TTC9C: variants seen among roughly 807,000 people sequenced by gnomAD.
The protein encoded by TTC9C is tetratricopeptide repeat protein 9C.
TTC9C carries 15 observed loss-of-function variants against 22.5 expected under a neutral mutation model. The ratio of observed to expected loss-of-function variants is 0.67; its 90% CI spans 0.45 to 1.03. The LOEUF is 1.03. TTC9C is among the 50% of genes least tolerant of loss of function. The pLI is 0.00. For synonymous variants in TTC9C, 92 were observed against 86.8 expected (o/e 1.06, Z -0.33); for missense variants, 244 against 214.6 (o/e 1.14, Z -0.86).
upstream of TTC9C, chr11:62,728,427 G>A (rs1464962618): frequency 3.4e-5 from 15 of 447,646 alleles, no homozygotes; most frequent in East Asian, 8.9e-4. Context: ...CACTAGTCCC[G>A]CCCACTCCCT....
At chr11:62,735,702 GA>G in intron 2 of TTC9C, 138 bp downstream of exon 2, 2 of 1,390,564 alleles carry the variant, frequency 1.4e-6, no homozygotes, top group East Asian at 2.6e-5. Context: ...AATTCGAACT[GA>G]AAAAGTATAC....
chr11:62,728,703 C>T lies in TTC9C; in HGVS notation c.-146C>T, dbSNP rs1015946194. On this transcript the variant is annotated 5_prime_UTR_variant, in exon 1 of 3. Transcript: ENST00000316461. ...GCTTTCAGTAGAAACAAGCAAACCG[C>T]AGGTCCCTGTGGGGGGACTCTCCAG... is the stretch of plus-strand genomic sequence containing the variant. 3 of 787,524 alleles carry T rather than the reference C, an allele frequency of 3.8e-6. No individual in the cohort carries two copies. The highest frequency in any genetic ancestry group is 4.3e-6 in the Non-Finnish European group (2 of 460,254). 48.8% of individuals were successfully genotyped at this position (787,524 alleles called of 1,614,324 possible).
chr11:62,732,429 A>T (rs1247918195), intron 1 of TTC9C, among the ~76,000 whole-genome samples: 3 of 151,850 alleles, frequency 2.0e-5, no homozygotes, highest in African/African-American at 4.8e-5. Context: ...ACCAACATGG[A>T]GAAACCCATC....
chr11:62,733,665 A>G (rs1263399921), intron 1 of TTC9C, among the ~76,000 whole-genome samples: 1 of 151,878 alleles, frequency 6.6e-6, no homozygotes, highest in African/African-American at 2.4e-5. Context: ...GTGCAGTGGT[A>G]CAATCTCGGC....
rs1473564933 is a variant in TTC9C, at chr11:62,736,725, A to C, written c.421+1161A>C. On this transcript the variant is annotated intron_variant, in intron 2 of 2. Coordinates refer to ENST00000316461, the MANE Select transcript of TTC9C (RefSeq NM_173810.4). ...AAAAAAAAAAGCTGGGCGTGATGGCAGGCCCCTGTAATCCCAGCTACTTAG... is the reference window on the plus strand; with the variant it reads ...AAAAAAAAAAGCTGGGCGTGATGGCCGGCCCCTGTAATCCCAGCTACTTAG... Among the ~76,000 whole-genome samples the C allele has an allele frequency of 2.7e-5, 4 of 149,252 alleles. No individual in the cohort carries two copies. In the East Asian group the frequency reaches 7.9e-4, roughly 29 times the overall value.
intron 1 of TTC9C, chr11:62,733,312 A>G: frequency 2.1e-6 from 1 of 469,602 alleles, no homozygotes; most frequent in Non-Finnish European, 3.4e-6. Flanking sequence ...CAAATTTCAT[A>G]TTCCACCTAG....
At position 62,735,512 on chromosome 11, in the gene TTC9C, CTA is replaced by C. The variant is rs1565172643; in HGVS notation, c.371_372del (p.Tyr124Ter). The C allele has an allele frequency of 1.2e-6, 2 of 1,613,714 alleles. No homozygotes were observed. The highest frequency in any genetic ancestry group is 1.7e-6 in the Non-Finnish European group (2 of 1,179,784). ...GAGTGGCCTTTTTCCATCTGCAGGA[CTA>C]TGACCAGGCCCGCCACTACCTCCTG... ...AGVAFFHLQD[Y>X]DQARHYLLAA... On this transcript the variant is annotated frameshift_variant, in exon 2 of 3. Coordinates refer to ENST00000316461, the MANE Select transcript of TTC9C (RefSeq NM_173810.4). LOFTEE classifies it high-confidence loss of function.
In TTC9C at chr11:62,735,515, T is replaced by C. The variant is rs1293222987; in HGVS notation, c.372T>C (p.Tyr124=). 6.2e-6 allele frequency: 10 copies of C among 1,612,744 alleles called. No individual in the cohort carries two copies. Among genetic ancestry groups the C allele is most frequent in the Non-Finnish European group, 8.5e-6 (10 of 1,179,288 alleles). The part of the protein sequence containing the change: ...AGVAFFHLQD[Y]DQARHYLLAA... ...TGGCCTTTTTCCATCTGCAGGACTA[T>C]GACCAGGCCCGCCACTACCTCCTGG... Residue 124 remains tyrosine (Y), a synonymous_variant, in exon 2 of 3, where the codon TAT becomes TAC. Coordinates refer to ENST00000316461, the MANE Select transcript of TTC9C (RefSeq NM_173810.4).
At position 62,729,948 on chromosome 11, in the gene TTC9C, A is replaced by G. The variant is rs543716617; in HGVS notation, c.238+862A>G. On this transcript the variant is annotated intron_variant, in intron 1 of 2. Coordinates refer to ENST00000316461, the MANE Select transcript of TTC9C (RefSeq NM_173810.4). ...GTAATTTTGCATGCTATAGGGAAAA[A>G]CTATACTTAAGGTCAGGCCATTGTT... Among the ~76,000 whole-genome samples the G allele has an allele frequency of 6.6e-5, 10 of 152,294 alleles. No homozygotes were observed. The South Asian group carries it at 1.7e-3, about 25-fold the overall frequency.
chr11:62,729,378 TTTTA>T (rs2083817170), intron 1 of TTC9C, among the ~76,000 whole-genome samples: 2 of 9,378 alleles, frequency 2.1e-4, no homozygotes, highest in Non-Finnish European at 3.3e-3. Flanking sequence ...TATTTTTTTA[TTTTA>T]TTTTATTTTA....
At chr11:62,730,332 C>G (rs2083833744) in intron 1 of TTC9C, among the ~76,000 whole-genome samples, 1 of 152,012 alleles carries the variant, frequency 6.6e-6, no homozygotes, top group South Asian at 2.1e-4. Flanking sequence ...GCCTCGGCCT[C>G]GCAAAGTGCT....
upstream of TTC9C, chr11:62,728,437 T>G (rs761704917): frequency 4.4e-6 from 2 of 457,894 alleles, no homozygotes; most frequent in African/African-American, 2.0e-5. Context: ...GCCCACTCCC[T>G]TCTACTTCCA....
At chr11:62,732,725 C>T (rs2083866684) in intron 1 of TTC9C, among the ~76,000 whole-genome samples, 1 of 152,110 alleles carries the variant, frequency 6.6e-6, no homozygotes, top group African/African-American at 2.4e-5. Context: ...TGGAGACCAT[C>T]CTGGCTGATA....
chr11:62,737,666 C>T (rs926725497), intron 2 of TTC9C, among the ~76,000 whole-genome samples: 1 of 152,120 alleles, frequency 6.6e-6, no homozygotes, highest in African/African-American at 2.4e-5. Flanking sequence ...TTAACTGCCA[C>T]CTATATGAAT....
At position 62,731,114 on chromosome 11, in the gene TTC9C, C is replaced by T. The variant is rs532446844; in HGVS notation, c.238+2028C>T. On this transcript the variant is annotated intron_variant, in intron 1 of 2. Coordinates refer to ENST00000316461, the MANE Select transcript of TTC9C (RefSeq NM_173810.4). ...ATGTTGGCCAGGCTGGTCTCGAGCT[C>T]CTGACCTCAGGTGAGCCACCCACCT... 9.6e-4 allele frequency among the ~76,000 whole-genome samples: 146 copies of T among 152,088 alleles called. 1 individual carries two copies. The highest frequency in any genetic ancestry group is 3.4e-3 in the African/African-American group (142 of 41,484).
chr11:62,730,157 C>A (rs528573297), intron 1 of TTC9C, among the ~76,000 whole-genome samples: 9 of 152,164 alleles, frequency 5.9e-5, no homozygotes, highest in African/African-American at 1.7e-4. Context: ...CTCACTGCAA[C>A]CTCCTCCTCC....
chr11:62,730,911 C>T (rs1329395396), intron 1 of TTC9C, among the ~76,000 whole-genome samples: 15 of 143,440 alleles, frequency 1.0e-4, no homozygotes, highest in South Asian at 2.2e-4. Flanking sequence ...TTTTTTGAGA[C>T]GGTGTCTCAC....
chr11:62,738,143 C>G (rs1045330476), intron 2 of TTC9C, 145 bp from the exon 3 acceptor site: 6 of 402,684 alleles, frequency 1.5e-5, no homozygotes, highest in African/African-American at 1.2e-4. Context: ...ATGAGATTTA[C>G]TATTGCATAG....
Position 62,738,448 on chromosome 11 carries a change from C to T in TTC9C, c.*66C>T, listed in dbSNP as rs1407730548. ...CATTAAACATGCATGAAGGAGAAATCTGAGCCTCAGCAAGAGAAATTAACC... is the reference window on the plus strand; with the variant it reads ...CATTAAACATGCATGAAGGAGAAATTTGAGCCTCAGCAAGAGAAATTAACC... On this transcript the variant is annotated 3_prime_UTR_variant, in exon 3 of 3. Coordinates refer to ENST00000316461, the MANE Select transcript of TTC9C (RefSeq NM_173810.4). 3 of 1,173,104 alleles carry T rather than the reference C, an allele frequency of 2.6e-6. No individual in the cohort carries two copies. The highest frequency in any genetic ancestry group is 3.7e-6 in the Non-Finnish European group (3 of 802,746). 72.7% of individuals were successfully genotyped at this position (1,173,104 alleles called of 1,614,324 possible).
Sources: gnomAD v4.1 joint callset for allele counts (sites outside exome capture counted in the v4.1 genomes callset) on GRCh38, gnomAD v4.1.1 for gene constraint, MANE v1.5 for transcripts, NCBI Gene and HGNC (gene_info 2026-07-23, HGNC 2026-07-21) for gene names.